The following PCDH15 variants were observed in gnomAD, a reference collection of about 807,000 sequenced individuals.
PCDH15 encodes the protein protocadherin-15.
A neutral mutation model predicts 178.5 loss-of-function variants in PCDH15; 129 were observed. That is an observed-to-expected ratio of 0.72 (90% CI 0.63 to 0.84). PCDH15 has a LOEUF of 0.84. Among genes scored for constraint, PCDH15 ranks in the 40% least tolerant of loss-of-function variants. PCDH15 has a pLI of 0.00. For synonymous variants in PCDH15, 800 were observed against 732.0 expected, an observed-to-expected ratio of 1.09 and a Z score of -1.50; for missense variants, 2,230 against 2,099.9, an observed-to-expected ratio of 1.06 and a Z score of -1.21.
intron 1 of PCDH15, among the ~76,000 whole-genome samples, chr10:54,692,852 A>T (rs1183938769): frequency 2.0e-5 from 3 of 152,188 alleles, no homozygotes; most frequent in Non-Finnish European, 4.4e-5. Context: ...ACACAAAATA[A>T]ATACTCAAGT....
chr10:53,882,661 C>A (rs370492753), intron 26 of PCDH15, among the ~76,000 whole-genome samples: 3 of 152,286 alleles, frequency 2.0e-5, no homozygotes, highest in African/African-American at 7.2e-5. Flanking sequence ...CCGTGCCTGA[C>A]CCCAACTGCT....
At chr10:54,339,707 G>T (rs551752699) in intron 6 of PCDH15, among the ~76,000 whole-genome samples, 1 of 152,166 alleles carries the variant, frequency 6.6e-6, no homozygotes, top group East Asian at 1.9e-4. Context: ...TTTTAACAAA[G>T]AACCATACTA....
chr10:55,021,738 G>A (rs537344500), intron 2 of PCDH15, among the ~76,000 whole-genome samples: 20 of 152,276 alleles, frequency 1.3e-4, no homozygotes, highest in Admixed American at 7.2e-4. Flanking sequence ...GTAAATCTGT[G>A]TACTTTTCTA....
chr10:54,801,719 A>C (rs1952659934), upstream of PCDH15, among the ~76,000 whole-genome samples: 1 of 152,192 alleles, frequency 6.6e-6, no homozygotes, highest in South Asian at 2.1e-4. Flanking sequence ...CAAAACAAAA[A>C]AACAATTTCA....
At chr10:54,173,800 A>G (rs2047144818) in intron 13 of PCDH15, among the ~76,000 whole-genome samples, 1 of 152,208 alleles carries the variant, frequency 6.6e-6, no homozygotes, top group Non-Finnish European at 1.5e-5. Context: ...AGATAGTTTA[A>G]CCATATAATT....
rs553325396 is a variant in PCDH15 at position 55,084,940 on chromosome 10, G to T, written c.-80+81636C>A. Among the ~76,000 whole-genome samples, 71 of 152,092 alleles carry T rather than the reference G, an allele frequency of 4.7e-4. 1 individual carries two copies. Among genetic ancestry groups the T allele is most frequent in the African/African-American group, 1.7e-3 (69 of 41,544 alleles). ...ACAGGCAATAACAAATGCAGATGAG[G>T]ATGTGAAGGAAAGGGACCTCACATA... On this transcript the variant is annotated intron_variant, in intron 2 of 5. Coordinates refer to the PCDH15 transcript ENST00000458638.
At chr10:53,992,689 C>T (rs919908055) in intron 21 of PCDH15, among the ~76,000 whole-genome samples, 7 of 152,172 alleles carry the variant, frequency 4.6e-5, no homozygotes, top group African/African-American at 1.2e-4. Flanking sequence ...GGGAATGAAA[C>T]GTCTCTGGTG....
At chr10:54,764,676 A>C (rs1359462302) in intron 1 of PCDH15, among the ~76,000 whole-genome samples, 2 of 152,088 alleles carry the variant, frequency 1.3e-5, no homozygotes, top group Admixed American at 1.3e-4. Flanking sequence ...CCAAGGAAAA[A>C]ATATGCTCTG....
intron 2 of PCDH15, among the ~76,000 whole-genome samples, chr10:55,467,392 TTA>T (rs1839853263): frequency 6.6e-6 from 1 of 151,222 alleles, no homozygotes; most frequent in Non-Finnish European, 1.5e-5. Context: ...TTTTTTTTTT[TTA>T]ACTAGGGCAT....
chr10:53,846,049 C>CACACAA (rs1247370119), intron 28 of PCDH15, among the ~76,000 whole-genome samples: 202 of 150,388 alleles, frequency 1.3e-3, no homozygotes, highest in African/African-American at 4.7e-3. Context: ...CACACACACA[C>CACACAA]AAACAAAAAA....
chr10:54,856,274 A>G, intron 3 of PCDH15, among the ~76,000 whole-genome samples: 1 of 152,126 alleles, frequency 6.6e-6, no homozygotes, highest in East Asian at 1.9e-4. Flanking sequence ...CACTTCAGAT[A>G]TGAGGGTATG....
At chr10:55,322,475 CAGA>C (rs1314981517), upstream of PCDH15, among the ~76,000 whole-genome samples, 6 of 152,008 alleles carry the variant, frequency 3.9e-5, no homozygotes, top group African/African-American at 1.5e-4. Context: ...TTGGAGGGCT[CAGA>C]AGAAGATAGA....
intron 2 of PCDH15, among the ~76,000 whole-genome samples, chr10:55,392,843 G>T (rs188293066): frequency 7.9e-5 from 12 of 152,056 alleles, no homozygotes; most frequent in Non-Finnish European, 1.3e-4. Flanking sequence ...AAACTATTTA[G>T]CCCTCTTACA....
intron 2 of PCDH15, among the ~76,000 whole-genome samples, chr10:55,356,234 AAAG>A: frequency 6.6e-6 from 1 of 151,952 alleles, no homozygotes; most frequent in Non-Finnish European, 1.5e-5. Flanking sequence ...AGAAATAAAA[AAAG>A]AAAGATGAAA....
rs1838408803 is a variant in PCDH15, at chr10:55,143,456, C to T, written c.-80+23120G>A. Among the ~76,000 whole-genome samples the T allele has an allele frequency of 2.0e-5, 3 of 152,092 alleles. No homozygotes were observed. The South Asian group carries it at 6.2e-4, about 32-fold the overall frequency. The stretch of plus-strand genomic sequence containing the variant: ...GTCACTGGACTTTTTTCTTGACACA[C>T]TCAAACTGTATCATGACACATCCAT... On this transcript the variant is annotated intron_variant, in intron 2 of 5. Coordinates refer to the PCDH15 transcript ENST00000458638.
At chr10:53,900,266 C>T (rs1466276345) in intron 26 of PCDH15, among the ~76,000 whole-genome samples, 1 of 150,978 alleles carries the variant, frequency 6.6e-6, no homozygotes, top group Non-Finnish European at 1.5e-5. Flanking sequence ...TCTCTCCCCT[C>T]TTTCTCTCAC....
At chr10:55,340,346 A>G (rs1342205813) in intron 2 of PCDH15, among the ~76,000 whole-genome samples, 49 of 152,012 alleles carry the variant, frequency 3.2e-4, no homozygotes, top group Non-Finnish European at 1.2e-4. Context: ...ATGTTGGTTT[A>G]TACCTGTAGC....
chr10:54,182,648 C>A (rs10082519), intron 13 of PCDH15, among the ~76,000 whole-genome samples: 13,239 of 151,942 alleles, frequency 0.087, 1,138 homozygotes, highest in African/African-American at 0.22. Context: ...CATTTACTAT[C>A]TAACTTAAAT....
intron 1 of PCDH15, among the ~76,000 whole-genome samples, chr10:54,675,301 T>G (rs2094762738): frequency 6.6e-6 from 1 of 151,968 alleles, no homozygotes; most frequent in Non-Finnish European, 1.5e-5. Context: ...ATATGTCCCT[T>G]GGGGATGGGG....
Sources: gnomAD v4.1 joint callset for allele counts (sites outside exome capture counted in the v4.1 genomes callset) on GRCh38, gnomAD v4.1.1 for gene constraint, MANE v1.5 for transcripts, NCBI Gene and HGNC (gene_info 2026-07-23, HGNC 2026-07-21) for gene names.